NFKBIZ: variants seen among roughly 807,000 people sequenced by gnomAD.
NFKBIZ encodes the protein NFKB inhibitor zeta.
Under a neutral mutation model 76.8 loss-of-function variants are expected in NFKBIZ, and 19 were observed. The observed-to-expected ratio is 0.25, with a 90% CI of 0.17 to 0.36. The LOEUF is 0.36. Among genes scored for constraint, NFKBIZ ranks in the 10% least tolerant of loss-of-function variants. The pLI is 1.00. For missense variants in NFKBIZ, 829 were observed against 910.9 expected (o/e 0.91, Z 1.16); for synonymous variants, 368 against 354.8 (o/e 1.04, Z -0.42).
chr3:101,854,208 C>G (rs678354), intron 5 of NFKBIZ, among the ~76,000 whole-genome samples: 84,134 of 151,996 alleles, frequency 0.55, 24,394 homozygotes, highest in Admixed American at 0.67. Flanking sequence ...GTAGATTGAT[C>G]TTAATCTGTC....
intron 5 of NFKBIZ, among the ~76,000 whole-genome samples, chr3:101,854,159 CAGTT>C (rs943269556): frequency 3.9e-5 from 6 of 152,270 alleles, no homozygotes; most frequent in African/African-American, 7.2e-5. Context: ...AGAACAGAAA[CAGTT>C]AGATCATGAT....
At chr3:101,857,634 G>A (rs1399019049) in intron 11 of NFKBIZ, 175 bp downstream of exon 11, 1 of 985,330 alleles carries the variant, frequency 1.0e-6, no homozygotes, top group Non-Finnish European at 1.2e-6. Flanking sequence ...TTTGGAAACA[G>A]CAATTAAGAA....
intron 2 of NFKBIZ, among the ~76,000 whole-genome samples, chr3:101,841,951 T>C (rs1401183846): frequency 6.6e-6 from 1 of 152,240 alleles, no homozygotes; most frequent in African/African-American, 2.4e-5. Flanking sequence ...CAGTTAAATA[T>C]GTACCAAGTA....
chr3:101,842,010 C>T (rs892450197), intron 2 of NFKBIZ, among the ~76,000 whole-genome samples: 3 of 152,082 alleles, frequency 2.0e-5, no homozygotes, highest in African/African-American at 7.2e-5. Flanking sequence ...GGATACATGT[C>T]TTGGGAGCTT....
chr3:101,854,762 C>CTCGGTGGTCGCCGT, intron 6 of NFKBIZ, 79 bp downstream of exon 6: 4 of 974,436 alleles, frequency 4.1e-6, no homozygotes, highest in East Asian at 2.4e-5. Flanking sequence ...ATGTGTAGAT[C>CTCGGTGGTCGCCGT]ATCTTAGAGC....
rs748966118 is a variant in NFKBIZ, at chr3:101,855,142, C to T, written c.1524C>T (p.Thr508=). Residue 508 remains threonine, a synonymous_variant, in exon 7 of 12, where the codon ACC becomes ACT. Transcript: ENST00000326172. ...TGAACATCGGGGCACAGGTGAACAC[C>T]ACAGACTGCTGGGGAAGAACACCTC... is the stretch of plus-strand genomic sequence containing the variant. ...DLVNIGAQVN[T]TDCWGRTPLH... is the part of the protein sequence containing the mutation. 3 of 1,614,038 alleles carry T rather than the reference C, an allele frequency of 1.9e-6. No homozygotes were observed. The Admixed American group carries it at 5.0e-5, about 27-fold the overall frequency.
Position 101,860,530 on chromosome 3 carries a change from A to G in NFKBIZ, c.*1159A>G, listed in dbSNP as rs1458624190. The G allele has an allele frequency of 2.0e-5, 3 of 152,094 alleles. No homozygotes were observed. Among genetic ancestry groups the G allele is most frequent in the African/African-American group, 7.2e-5 (3 of 41,428 alleles). 9.4% of individuals were successfully genotyped at this position (152,094 alleles called of 1,614,324 possible). A position where few individuals can be genotyped will look rare whatever the true frequency, so the allele number is the denominator to read the frequency against. On this transcript the variant is annotated 3_prime_UTR_variant, in exon 12 of 12. Coordinates refer to ENST00000326172, the MANE Select transcript of NFKBIZ (RefSeq NM_031419.4). ...TATGGCTTACCCTCTAGAATTTCTA[A>G]TTTATGTGTTCTGTTGAAATTTTTG...
At position 101,857,054 on chromosome 3, in the gene NFKBIZ, C is replaced by A. The variant is rs1465627206; in HGVS notation, c.1825-19C>A. 1.3e-6 allele frequency: 2 copies of A among 1,511,094 alleles called. No homozygotes were observed. The highest frequency in any genetic ancestry group is 9.1e-7 in the Non-Finnish European group (1 of 1,104,696). 93.6% of individuals were successfully genotyped at this position (1,511,094 alleles called of 1,614,324 possible). On this transcript the variant is annotated intron_variant, in intron 9 of 11. Transcript: ENST00000326172. ...CTGGATTTTTTTTTTTTTTTTTCCT[C>A]CCTCTTGCCTTTGACAAGGATCGCA...
intron 11 of NFKBIZ, chr3:101,858,472 A>C: frequency 2.0e-6 from 2 of 983,778 alleles, no homozygotes; most frequent in African/African-American, 1.7e-5. Context: ...CTTCTACTTC[A>C]CTGTTTGTGG....
At chr3:101,837,491 CAAA>C (rs10713154) in intron 2 of NFKBIZ, among the ~76,000 whole-genome samples, 19 of 93,102 alleles carry the variant, frequency 2.0e-4, no homozygotes, top group Admixed American at 4.4e-4. Context: ...GATCCTGTCT[CAAA>C]AAAAAAAAAA....
chr3:101,858,381 A>G (rs1178342069), intron 11 of NFKBIZ: 1 of 983,344 alleles, frequency 1.0e-6, no homozygotes, highest in Non-Finnish European at 1.2e-6. Context: ...GTTTCAACTG[A>G]GAAAATTGAT....
intron 2 of NFKBIZ, among the ~76,000 whole-genome samples, chr3:101,830,955 A>G (rs1311513706): frequency 6.6e-6 from 1 of 152,274 alleles, no homozygotes; most frequent in African/African-American, 2.4e-5. Flanking sequence ...TGTTATATCT[A>G]TAAAATGCCA....
At chr3:101,839,708 A>C (rs1478537118) in intron 2 of NFKBIZ, among the ~76,000 whole-genome samples, 2 of 152,110 alleles carry the variant, frequency 1.3e-5, no homozygotes, top group Non-Finnish European at 2.9e-5. Context: ...AATTTTCTTA[A>C]TTTCTGTGGA....
chr3:101,839,908 A>C lies in NFKBIZ; in HGVS notation c.-12+10220A>C, dbSNP rs186099769. Among the ~76,000 whole-genome samples, 29 of 152,318 alleles carry C rather than the reference A, an allele frequency of 1.9e-4. 1 individual carries two copies. The highest frequency in any genetic ancestry group is 8.5e-4 in the Admixed American group (13 of 15,306). Reference sequence around the variant, plus strand: ...TTCCCAGAGCATGTACATTTTTTACAGTAGAAGGGTACAGGGATGGGTAAT... The same window carrying C: ...TTCCCAGAGCATGTACATTTTTTACCGTAGAAGGGTACAGGGATGGGTAAT... On this transcript the variant is annotated intron_variant, in intron 2 of 12. Transcript: ENST00000394054.
upstream of NFKBIZ, among the ~76,000 whole-genome samples, chr3:101,845,987 C>G (rs541442953): frequency 1.2e-4 from 19 of 152,316 alleles, no homozygotes; most frequent in Admixed American, 7.2e-4. Flanking sequence ...TCTTTGCTTT[C>G]GATGGAGCAG....
At chr3:101,847,097 T>C (rs576996082), upstream of NFKBIZ, among the ~76,000 whole-genome samples, 1 of 152,264 alleles carries the variant, frequency 6.6e-6, no homozygotes, top group African/African-American at 2.4e-5. Context: ...CCTGCCCGCA[T>C]TGGCGAAGGG....
At chr3:101,847,864 C>G (rs7615030), upstream of NFKBIZ, among the ~76,000 whole-genome samples, 10 of 152,332 alleles carry the variant, frequency 6.6e-5, no homozygotes, top group Admixed American at 2.0e-4. Context: ...CGTGTCCCCC[C>G]CTTCGTCCTA....
chr3:101,853,112 C>T lies in NFKBIZ; in HGVS notation c.586C>T (p.Pro196Ser). 6.2e-7 allele frequency: 1 copy of T among 1,613,914 alleles called. No individual in the cohort carries two copies. Among genetic ancestry groups the T allele is most frequent in the Non-Finnish European group, 8.5e-7 (1 of 1,179,828 alleles). ...CCAGACACCACCTCAAACACCAACG[C>T]CCGGGGAGAGCATGGAAGATGTTCA... ...QFLTPPQTPT[P>S]GESMEDVHLN... Residue 196 changes from proline (P) to serine (S), a missense_variant, in exon 5 of 12, where the codon CCC (proline) becomes TCC (serine). Transcript: ENST00000326172.
chr3:101,844,036 CACAAA>C (rs1427809230), intron 2 of NFKBIZ, among the ~76,000 whole-genome samples: 1 of 152,180 alleles, frequency 6.6e-6, no homozygotes, highest in Admixed American at 6.5e-5. Flanking sequence ...TTCATTAAAA[CACAAA>C]ACCAAACCAA....
Sources: gnomAD v4.1 joint callset for allele counts (sites outside exome capture counted in the v4.1 genomes callset) on GRCh38, gnomAD v4.1.1 for gene constraint, MANE v1.5 for transcripts, NCBI Gene and HGNC (gene_info 2026-07-23, HGNC 2026-07-21) for gene names.